Variants in SYT14 observed in about 807,000 individuals in gnomAD.
SYT14 encodes synaptotagmin 14, also known as synaptotagmin-14.
In SYT14, 32 loss-of-function variants were observed where a neutral mutation model predicts 74.2. That is an observed-to-expected ratio of 0.43 (90% confidence interval 0.33 to 0.58). SYT14 has a LOEUF of 0.58. Among genes scored for constraint, SYT14 ranks in the 20% least tolerant of loss-of-function variants. The pLI, the probability that SYT14 is intolerant of heterozygous loss-of-function variation, is 0.05. For synonymous variants in SYT14, 298 were observed against 337.7 expected (o/e 0.88, Z 1.29); for missense variants, 791 against 981.8 (o/e 0.81, Z 2.60).
intron 3 of SYT14, among the ~76,000 whole-genome samples, chr1:210,014,471 C>T (rs1180770115): frequency 6.7e-6 from 1 of 149,246 alleles, no homozygotes; most frequent in African/African-American, 2.5e-5. Context: ...TTTCCAAAGA[C>T]TGGTTTATAA....
chr1:209,947,985 A>C (rs891232608), intron 1 of SYT14, among the ~76,000 whole-genome samples: 13 of 152,330 alleles, frequency 8.5e-5, no homozygotes, highest in African/African-American at 2.9e-4. Flanking sequence ...TTAGCAATAA[A>C]TTATTTTTAA....
At chr1:209,938,244 GC>G in exon 1 of SYT14, 1 of 1,550,104 alleles carries the variant, frequency 6.5e-7, no homozygotes, top group Non-Finnish European at 8.7e-7. Context: ...TCCAGTTGGT[GC>G]GGTCCATGGC....
chr1:210,092,372 T>C (rs970891423), intron 5 of SYT14, among the ~76,000 whole-genome samples: 6 of 152,224 alleles, frequency 3.9e-5, no homozygotes, highest in African/African-American at 7.2e-5. Flanking sequence ...CAAAGGGGCA[T>C]GCCAGTAGAG....
intron 7 of SYT14, among the ~76,000 whole-genome samples, chr1:210,108,253 T>C (rs1212891159): frequency 6.8e-6 from 1 of 147,704 alleles, no homozygotes; most frequent in Non-Finnish European, 1.5e-5. Context: ...GATTTAAAAA[T>C]TGGAGAAAAG....
intron 5 of SYT14, among the ~76,000 whole-genome samples, chr1:210,046,445 G>T (rs1229864723): frequency 1.3e-5 from 2 of 151,774 alleles, no homozygotes; most frequent in East Asian, 1.9e-4. Context: ...TAACTTTACT[G>T]AATGGTATAG....
At chr1:210,059,445 TATATATAGAGAGAGAG>T (rs2081163336) in intron 5 of SYT14, among the ~76,000 whole-genome samples, 1 of 96,804 alleles carries the variant, frequency 1.0e-5, no homozygotes, top group African/African-American at 5.2e-5. Flanking sequence ...TATATATATA[TATATATAGAGAGAGAG>T]AGAGAGAGAG....
intron 5 of SYT14, among the ~76,000 whole-genome samples, chr1:210,056,275 T>C (rs1219021273): frequency 6.6e-6 from 1 of 151,956 alleles, no homozygotes; most frequent in African/African-American, 2.4e-5. Flanking sequence ...GGCATGCAAC[T>C]AGATGAGAAT....
In SYT14 at chr1:210,026,605, TACACACACACAC is replaced by T. The variant is rs368072216; in HGVS notation, c.1312+5378_1312+5389del. Among the ~76,000 whole-genome samples the T allele has an allele frequency of 1.2e-4, 17 of 138,346 alleles. 1 individual carries two copies. The highest frequency in any genetic ancestry group is 7.2e-3 in the Middle Eastern group (2 of 276). The allele number at this position is 138,346 out of a possible 152,430, so 90.8% of individuals were successfully genotyped here. A position where few individuals can be genotyped will look rare whatever the true frequency, so the allele number is the denominator to read the frequency against. On this transcript the variant is annotated intron_variant, in intron 5 of 9. Coordinates refer to ENST00000637265, the Ensembl canonical transcript of SYT14. ...CACTTATGTCTTAGGGTATATAGCTTACACACACACACACACACACACACACACACACACACA... is the reference window on the plus strand; with the variant it reads ...CACTTATGTCTTAGGGTATATAGCTTACACACACACACACACACACACACA...
intron 5 of SYT14, among the ~76,000 whole-genome samples, chr1:210,081,609 G>C (rs1224428703): frequency 6.6e-6 from 1 of 152,194 alleles, no homozygotes; most frequent in Non-Finnish European, 1.5e-5. Flanking sequence ...GGTTGCCACA[G>C]ACCTTCAGTG....
At chr1:209,984,308 T>TA (rs1315558908) in intron 2 of SYT14, among the ~76,000 whole-genome samples, 1 of 152,178 alleles carries the variant, frequency 6.6e-6, no homozygotes, top group African/African-American at 2.4e-5. Context: ...ACTGTTCTCT[T>TA]ACTGAGTTTC....
intron 1 of SYT14, among the ~76,000 whole-genome samples, chr1:209,941,466 C>G (rs552846442): frequency 1.5e-4 from 23 of 152,286 alleles, no homozygotes; most frequent in Admixed American, 5.2e-4. Context: ...TAATTGCTAT[C>G]CAGCATATTA....
At chr1:210,040,406 A>C (rs575578625) in intron 5 of SYT14, among the ~76,000 whole-genome samples, 76 of 152,240 alleles carry the variant, frequency 5.0e-4, no homozygotes, top group African/African-American at 1.8e-3. Flanking sequence ...ATTAGGAGAA[A>C]TACCTAATGT....
intron 2 of SYT14, among the ~76,000 whole-genome samples, chr1:210,011,843 A>G (rs920582355): frequency 6.6e-6 from 1 of 152,202 alleles, no homozygotes; most frequent in African/African-American, 2.4e-5. Context: ...ATCATTCTCA[A>G]CTAATACTTG....
At chr1:209,953,468 T>G (rs571241119) in intron 2 of SYT14, among the ~76,000 whole-genome samples, 1 of 152,212 alleles carries the variant, frequency 6.6e-6, no homozygotes, top group African/African-American at 2.4e-5. Flanking sequence ...GCACTTTCTT[T>G]TCTTGCATCT....
At chr1:210,024,482 G>A (rs2080368423) in intron 5 of SYT14, among the ~76,000 whole-genome samples, 1 of 152,166 alleles carries the variant, frequency 6.6e-6, no homozygotes, top group Admixed American at 6.6e-5. Flanking sequence ...ATGATGAGGA[G>A]AATGATGATG....
At position 210,124,252 on chromosome 1, in the gene SYT14, A is replaced by AAT. The variant is rs1553283367; in HGVS notation, c.2034+23792_2034+23793insTA. 3.4e-4 allele frequency among the ~76,000 whole-genome samples: 51 copies of AAT among 151,568 alleles called. No homozygotes were observed. In the East Asian group the frequency reaches 8.5e-3, roughly 25 times the overall value. ...AATTAGAAGACAGAAATGAAAAAAA[A>AAT]AAATAAATAAATAACTCCAGGAAAT... On this transcript the variant is annotated intron_variant, in intron 7 of 9. Transcript: ENST00000637265.
chr1:210,035,451 G>A (rs2080639822), intron 5 of SYT14, among the ~76,000 whole-genome samples: 2 of 151,730 alleles, frequency 1.3e-5, no homozygotes, highest in South Asian at 4.1e-4. Flanking sequence ...TGTTTCTGTT[G>A]TTTTTGCTTT....
chr1:210,119,313 C>T (rs2082415156), intron 7 of SYT14, among the ~76,000 whole-genome samples: 1 of 152,070 alleles, frequency 6.6e-6, no homozygotes, highest in African/African-American at 2.4e-5. Flanking sequence ...ATACTAATTG[C>T]AAAAATGTTT....
At chr1:210,045,718 A>G (rs533374762) in intron 5 of SYT14, among the ~76,000 whole-genome samples, 11 of 152,334 alleles carry the variant, frequency 7.2e-5, no homozygotes. Flanking sequence ...GAGACTGTAT[A>G]AAACCAAATG....
Sources: allele counts gnomAD v4.1 joint callset (sites outside exome capture counted in the v4.1 genomes callset), GRCh38; gene constraint gnomAD v4.1.1; transcripts MANE v1.5; gene names NCBI Gene and HGNC (gene_info 2026-07-23, HGNC 2026-07-21).